Variants in GABRG3 observed in about 807,000 individuals in gnomAD.
The protein encoded by GABRG3 is gamma-aminobutyric acid type A receptor subunit gamma3, also known as gamma-aminobutyric acid receptor subunit gamma-3.
In GABRG3, 25 loss-of-function variants were observed where a neutral mutation model predicts 48.8. That is an observed-to-expected ratio of 0.51 (90% CI 0.37 to 0.72). GABRG3 has a LOEUF of 0.72. Ranked by LOEUF, GABRG3 falls within the 30% of genes least tolerant of loss-of-function variation. GABRG3 has a pLI of 0.00. For synonymous variants in GABRG3, 227 were observed against 217.6 expected (o/e 1.04, Z -0.38); for missense variants, 394 against 577.9 (o/e 0.68, Z 3.26).
intron 5 of GABRG3, among the ~76,000 whole-genome samples, chr15:27,448,834 T>TAA (rs56654948): frequency 8.7e-5 from 13 of 150,094 alleles, no homozygotes; most frequent in African/African-American, 2.2e-4. Flanking sequence ...CGAAGTTATT[T>TAA]AAAAAAAAAA....
chr15:27,388,280 GA>G (rs1566818294), intron 5 of GABRG3, among the ~76,000 whole-genome samples: 28 of 51,902 alleles, frequency 5.4e-4, no homozygotes, highest in East Asian at 9.8e-4. Context: ...GGAGGGTAAG[GA>G]AGGAAGGAAG....
chr15:27,380,390 A>G (rs977984614), intron 5 of GABRG3, among the ~76,000 whole-genome samples: 1 of 150,308 alleles, frequency 6.7e-6, no homozygotes, highest in Non-Finnish European at 1.5e-5. Context: ...TCTGGTTATG[A>G]TGTCTTTTCT....
chr15:27,289,277 T>C (rs933628840), intron 3 of GABRG3, among the ~76,000 whole-genome samples: 10 of 152,150 alleles, frequency 6.6e-5, no homozygotes, highest in Non-Finnish European at 8.8e-5. Flanking sequence ...CTACTCTTTT[T>C]TTTTTCTGAG....
chr15:27,238,137 A>G (rs1460350041), intron 3 of GABRG3, among the ~76,000 whole-genome samples: 3 of 100,080 alleles, frequency 3.0e-5, no homozygotes, highest in Non-Finnish European at 8.0e-5. Flanking sequence ...GCGGTGGCAG[A>G]TTCTTGCTTC....
intron 3 of GABRG3, among the ~76,000 whole-genome samples, chr15:27,216,736 T>TTTTTTTTTA (rs1174147493): frequency 7.7e-4 from 104 of 134,912 alleles, no homozygotes; most frequent in African/African-American, 2.8e-3. Flanking sequence ...TTCATTTCTT[T>TTTTTTTTTA]TTTTTTTTTT....
chr15:27,394,622 T>A (rs946027605), intron 5 of GABRG3, among the ~76,000 whole-genome samples: 4 of 152,194 alleles, frequency 2.6e-5, no homozygotes, highest in Non-Finnish European at 5.9e-5. Flanking sequence ...CTCTAGAATT[T>A]CTTGTAAAGC....
intron 3 of GABRG3, among the ~76,000 whole-genome samples, chr15:27,133,377 A>G (rs2140384531): frequency 6.6e-6 from 1 of 152,286 alleles, no homozygotes; most frequent in Middle Eastern, 3.4e-3. Flanking sequence ...TCAGTTATGT[A>G]TTATTAATGG....
intron 3 of GABRG3, among the ~76,000 whole-genome samples, chr15:27,322,664 G>A (rs955783698): frequency 6.6e-6 from 1 of 152,184 alleles, no homozygotes; most frequent in African/African-American, 2.4e-5. Context: ...AGGAGACTGA[G>A]GCTAAGGAAG....
intron 3 of GABRG3, among the ~76,000 whole-genome samples, chr15:27,306,825 CAT>C (rs1258200527): frequency 2.6e-5 from 2 of 77,384 alleles, no homozygotes; most frequent in Non-Finnish European, 4.4e-5. Context: ...TATATATAAA[CAT>C]ACAATATAAA....
At chr15:27,159,224 A>C (rs208157) in intron 3 of GABRG3, among the ~76,000 whole-genome samples, 9 of 152,090 alleles carry the variant, frequency 5.9e-5, no homozygotes. Context: ...GTTCACGCCT[A>C]TAATCCCAGC....
At chr15:27,150,843 C>T (rs914007123) in intron 3 of GABRG3, among the ~76,000 whole-genome samples, 1 of 152,172 alleles carries the variant, frequency 6.6e-6, no homozygotes, top group Non-Finnish European at 1.5e-5. Context: ...AAGGAACAGG[C>T]ACTTCAGAGA....
chr15:27,049,899 A>G (rs1896428290), intron 3 of GABRG3, among the ~76,000 whole-genome samples: 1 of 152,184 alleles, frequency 6.6e-6, no homozygotes, highest in Admixed American at 6.5e-5. Flanking sequence ...CTGTTTTTGT[A>G]TTTGTTAAAC....
intron 5 of GABRG3, among the ~76,000 whole-genome samples, chr15:27,472,163 GT>G (rs540888611): frequency 1.5e-4 from 23 of 150,890 alleles, no homozygotes; most frequent in South Asian, 2.1e-4. Flanking sequence ...GGATTTGAAT[GT>G]TTTTTTTTAA....
intron 6 of GABRG3, chr15:27,481,232 T>G: frequency 1.0e-6 from 1 of 981,866 alleles, no homozygotes; most frequent in Non-Finnish European, 1.2e-6. Flanking sequence ...GAGTTTCTTT[T>G]TCAATGATTG....
At chr15:27,484,030 G>A (rs1890161228) in intron 6 of GABRG3, among the ~76,000 whole-genome samples, 1 of 152,094 alleles carries the variant, frequency 6.6e-6, no homozygotes, top group South Asian at 2.1e-4. Flanking sequence ...CACTTCCTAG[G>A]TTCAAGCAAT....
chr15:27,309,322 G>GTATA (rs34692871), intron 3 of GABRG3, among the ~76,000 whole-genome samples: 1 of 149,662 alleles, frequency 6.7e-6, no homozygotes, highest in African/African-American at 2.5e-5. Flanking sequence ...GTGTGTGTTT[G>GTATA]TATATATATA....
At chr15:27,320,256 C>A (rs1465886487) in intron 3 of GABRG3, among the ~76,000 whole-genome samples, 1 of 152,228 alleles carries the variant, frequency 6.6e-6, no homozygotes, top group Admixed American at 6.5e-5. Flanking sequence ...CATCCCCTGT[C>A]ACCTGCTCCT....
At chr15:27,409,306 G>T (rs1275963942) in intron 5 of GABRG3, among the ~76,000 whole-genome samples, 1 of 151,944 alleles carries the variant, frequency 6.6e-6, no homozygotes, top group Non-Finnish European at 1.5e-5. Flanking sequence ...TGGTGCGGGG[G>T]CTATGAATGT....
chr15:27,066,531 C>T (rs1896740582), intron 3 of GABRG3, among the ~76,000 whole-genome samples: 1 of 151,902 alleles, frequency 6.6e-6, no homozygotes, highest in Non-Finnish European at 1.5e-5. Flanking sequence ...AAAAATAGGC[C>T]CCATTTAAGT....
Sources: gnomAD v4.1 joint callset for allele counts (sites outside exome capture counted in the v4.1 genomes callset) on GRCh38, gnomAD v4.1.1 for gene constraint, MANE v1.5 for transcripts, NCBI Gene and HGNC (gene_info 2026-07-23, HGNC 2026-07-21) for gene names.